Variants in ACVR2A observed in about 807,000 individuals in gnomAD.
ACVR2A encodes activin receptor type-2A.
Under a neutral mutation model 61.4 loss-of-function variants are expected in ACVR2A, and 7 were observed. The observed-to-expected ratio is 0.11, with a 90% CI of 0.06 to 0.21. The LOEUF is 0.21. Ranked by LOEUF, ACVR2A falls within the 10% of genes least tolerant of loss-of-function variation. The pLI, the probability that ACVR2A is intolerant of heterozygous loss-of-function variation, is 1.00. For synonymous variants in ACVR2A, 193 were observed against 208.3 expected (o/e 0.93, Z 0.63); for missense variants, 322 against 621.7 (o/e 0.52, Z 5.13).
intron 1 of ACVR2A, among the ~76,000 whole-genome samples, chr2:147,888,681 CT>C (rs1156497786): frequency 3.0e-3 from 414 of 136,644 alleles, no homozygotes; most frequent in Middle Eastern, 7.8e-3. Flanking sequence ...GCTGCTGCTT[CT>C]TTTTTTTTTT....
At chr2:147,926,254 G>A (rs528312256) in intron 10 of ACVR2A, 93 bp downstream of exon 10, 2 of 1,464,648 alleles carry the variant, frequency 1.4e-6, no homozygotes, top group East Asian at 4.6e-5. Flanking sequence ...TCTTCTGCAA[G>A]TATTTTCTGG....
chr2:147,880,758 A>G (rs181335395), intron 1 of ACVR2A, among the ~76,000 whole-genome samples: 1 of 152,318 alleles, frequency 6.6e-6, no homozygotes, highest in East Asian at 1.9e-4. Context: ...TAGGTTGTCA[A>G]AGTGCCTGCA....
chr2:147,929,951 T>G lies in ACVR2A; in HGVS notation c.*2677T>G, dbSNP rs1687625052. On this transcript the variant is annotated 3_prime_UTR_variant, in exon 11 of 11. Coordinates refer to ENST00000241416, the MANE Select transcript of ACVR2A (RefSeq NM_001616.5). Reference sequence around the variant, plus strand: ...CTTTATGATCAACTTGCCATAGGACTGATGGATTAACCAGTGTTCGGCTTT... The same window carrying G: ...CTTTATGATCAACTTGCCATAGGACGGATGGATTAACCAGTGTTCGGCTTT... 2 of 152,520 alleles carry G rather than the reference T, an allele frequency of 1.3e-5. No homozygotes were observed. The highest frequency in any genetic ancestry group is 2.1e-4 in the South Asian group (1 of 4,838). The allele number at this position is 152,520 out of a possible 1,614,324, so 9.4% of individuals were successfully genotyped here.
intron 1 of ACVR2A, among the ~76,000 whole-genome samples, chr2:147,869,753 A>G (rs1270501182): frequency 6.6e-6 from 1 of 152,200 alleles, no homozygotes; most frequent in African/African-American, 2.4e-5. Context: ...ATCAAGAGGC[A>G]AAGTAGGCTG....
chr2:147,893,023 TC>T (rs1404959532), intron 1 of ACVR2A, among the ~76,000 whole-genome samples: 4 of 152,130 alleles, frequency 2.6e-5, no homozygotes, highest in Non-Finnish European at 4.4e-5. Flanking sequence ...GGCGTGGTGT[TC>T]CTATTTCCTT....
chr2:147,845,415 T>A (rs1685285305), intron 1 of ACVR2A, among the ~76,000 whole-genome samples: 1 of 145,030 alleles, frequency 6.9e-6, no homozygotes, highest in African/African-American at 2.6e-5. Context: ...TCTTTTTGAG[T>A]TGGGTCGGCG....
chr2:147,903,953 G>C (rs1686929666), intron 4 of ACVR2A, among the ~76,000 whole-genome samples: 1 of 152,006 alleles, frequency 6.6e-6, no homozygotes, highest in South Asian at 2.1e-4. Context: ...TGATAATGAA[G>C]TATGTCCAGG....
intron 1 of ACVR2A, among the ~76,000 whole-genome samples, chr2:147,852,437 C>T (rs1223732165): frequency 1.3e-5 from 2 of 151,996 alleles, no homozygotes; most frequent in Admixed American, 6.5e-5. Context: ...ATCCTTATTT[C>T]CTGTATTCAG....
chr2:147,861,951 A>C (rs1383817548), intron 1 of ACVR2A, among the ~76,000 whole-genome samples: 2 of 150,134 alleles, frequency 1.3e-5, no homozygotes, highest in African/African-American at 5.0e-5. Context: ...TGTTGATCCT[A>C]TTTGAGCCTG....
At chr2:147,911,885 A>T (rs761246321) in intron 4 of ACVR2A, among the ~76,000 whole-genome samples, 2 of 152,022 alleles carry the variant, frequency 1.3e-5, no homozygotes, top group African/African-American at 4.8e-5. Context: ...GTTAATTTTT[A>T]TATGTCATTA....
Position 147,900,042 on chromosome 2 carries a change from A to G in ACVR2A, c.528+144A>G, listed in dbSNP as rs900107046. 1.6e-5 allele frequency: 15 copies of G among 910,460 alleles called. No individual in the cohort carries two copies. The African/African-American group carries it at 2.4e-4, about 14-fold the overall frequency. The allele number at this position is 910,460 out of a possible 1,614,324, so 56.4% of individuals were successfully genotyped here. On this transcript the variant is annotated intron_variant, in intron 4 of 10. Transcript: ENST00000241416. Reference sequence around the variant, plus strand: ...TTTATTGTCATGAGAACTCTAGCTAACTTTGCAAACTTATTAATGTACCTA... The same window carrying G: ...TTTATTGTCATGAGAACTCTAGCTAGCTTTGCAAACTTATTAATGTACCTA...
intron 4 of ACVR2A, 76 bp from the exon 5 acceptor site, chr2:147,915,115 C>T: frequency 7.1e-7 from 1 of 1,410,350 alleles, no homozygotes; most frequent in Non-Finnish European, 9.9e-7. Context: ...TCAGTATACT[C>T]ACTTTTTTTC....
chr2:147,867,647 T>C (rs1032261660), intron 1 of ACVR2A, among the ~76,000 whole-genome samples: 1 of 152,136 alleles, frequency 6.6e-6, no homozygotes, highest in Non-Finnish European at 1.5e-5. Context: ...TCCACACTCT[T>C]TGCTAGAAAC....
chr2:147,914,053 A>T (rs1008631008), intron 4 of ACVR2A, among the ~76,000 whole-genome samples: 1 of 151,860 alleles, frequency 6.6e-6, no homozygotes, highest in African/African-American at 2.4e-5. Context: ...GGCACCAGTG[A>T]GCTGAGTGAT....
At chr2:147,872,630 G>C (rs543468703) in intron 1 of ACVR2A, among the ~76,000 whole-genome samples, 1 of 150,162 alleles carries the variant, frequency 6.7e-6, no homozygotes, top group Admixed American at 6.7e-5. Context: ...AGCAGGATTT[G>C]TTGTAGATGT....
At chr2:147,903,390 T>C (rs1277862716) in intron 4 of ACVR2A, among the ~76,000 whole-genome samples, 1 of 151,814 alleles carries the variant, frequency 6.6e-6, no homozygotes, top group Non-Finnish European at 1.5e-5. Context: ...CACCTTTTCA[T>C]CCTGATTGAT....
At chr2:147,885,017 C>T (rs1573677625) in intron 1 of ACVR2A, among the ~76,000 whole-genome samples, 1 of 152,072 alleles carries the variant, frequency 6.6e-6, no homozygotes, top group Non-Finnish European at 1.5e-5. Context: ...ATCTTCCCAA[C>T]CTCTGTTTAA....
intron 1 of ACVR2A, among the ~76,000 whole-genome samples, chr2:147,875,260 C>T (rs1335536192): frequency 6.6e-6 from 1 of 151,758 alleles, no homozygotes; most frequent in Non-Finnish European, 1.5e-5. Context: ...ATCAGTTAAC[C>T]TCTTCTGCTC....
In ACVR2A at chr2:147,927,331, TAAAG is replaced by T. The variant is rs1687527688; in HGVS notation, c.*61_*64del. On this transcript the variant is annotated 3_prime_UTR_variant, in exon 11 of 11. Transcript: ENST00000241416. ...GGACTCTGAACTGGAGCTGCTAAGC[TAAAG>T]AAACTGCTTACAGTTTATTTTCTGT... is the stretch of plus-strand genomic sequence containing the variant. 1 of 1,474,484 alleles carries T rather than the reference TAAAG, an allele frequency of 6.8e-7. No individual in the cohort carries two copies. Among genetic ancestry groups the T allele is most frequent in the African/African-American group, 1.4e-5 (1 of 69,468 alleles). 91.3% of individuals were successfully genotyped at this position (1,474,484 alleles called of 1,614,324 possible).
Sources: allele counts gnomAD v4.1 joint callset (sites outside exome capture counted in the v4.1 genomes callset), GRCh38; gene constraint gnomAD v4.1.1; transcripts MANE v1.5; gene names NCBI Gene and HGNC (gene_info 2026-07-23, HGNC 2026-07-21).